Variants in ASXL3 observed in about 807,000 individuals in gnomAD.
ASXL3 encodes putative Polycomb group protein ASXL3.
In ASXL3, 34 loss-of-function variants were observed where a neutral mutation model predicts 170.6. The observed-to-expected ratio is 0.20, with a 90% CI of 0.15 to 0.27. ASXL3 has a LOEUF of 0.27. ASXL3 is among the 10% of genes least tolerant of loss of function. The pLI is 1.00. For synonymous variants in ASXL3, 1,002 were observed against 989.1 expected, an observed-to-expected ratio of 1.01 and a Z score of -0.24; for missense variants, 2,592 against 2,695.3, an observed-to-expected ratio of 0.96 and a Z score of 0.85.
intron 2 of ASXL3, among the ~76,000 whole-genome samples, chr18:33,630,709 T>C (rs2065664642): frequency 6.6e-6 from 1 of 151,966 alleles, no homozygotes; most frequent in African/African-American, 2.4e-5. Flanking sequence ...ATGAGTAGTA[T>C]CAGAATTTTC....
intron 1 of ASXL3, among the ~76,000 whole-genome samples, chr18:33,590,111 G>GTTTTTTTTTTTTTTTTTTTGT (rs2065065376): frequency 2.4e-5 from 2 of 83,184 alleles, no homozygotes; most frequent in Admixed American, 1.2e-4. Context: ...TGCTTTCTAT[G>GTTTTTTTTTTTTTTTTTTTGT]TTTTTTTTTT....
chr18:33,589,853 A>T (rs2065062762), intron 1 of ASXL3, among the ~76,000 whole-genome samples: 1 of 152,162 alleles, frequency 6.6e-6, no homozygotes, highest in Admixed American at 6.5e-5. Context: ...TGCTGAACTA[A>T]ACTTGTTATA....
intron 4 of ASXL3, among the ~76,000 whole-genome samples, chr18:33,654,657 T>G (rs1479617993): frequency 6.6e-6 from 1 of 151,002 alleles, no homozygotes; most frequent in African/African-American, 2.4e-5. Flanking sequence ...TTCAGGAACC[T>G]GATGCAGTGT....
chr18:33,740,536 C>T (rs1386968504), intron 11 of ASXL3, 93 bp downstream of exon 11: 2 of 1,265,276 alleles, frequency 1.6e-6, no homozygotes, highest in African/African-American at 3.0e-5. Flanking sequence ...TTTCTTCCTT[C>T]TAGGTTTTAT....
At chr18:33,667,986 C>T (rs2145247788) in intron 5 of ASXL3, among the ~76,000 whole-genome samples, 1 of 152,252 alleles carries the variant, frequency 6.6e-6, no homozygotes, top group East Asian at 1.9e-4. Context: ...ACTCTGCTAA[C>T]CACTGTTGTG....
chr18:33,592,534 C>G lies in ASXL3; in HGVS notation c.54+13849C>G, dbSNP rs533589195. 2.5e-4 allele frequency among the ~76,000 whole-genome samples: 38 copies of G among 152,192 alleles called. 1 individual carries two copies. In the South Asian group the frequency reaches 7.9e-3, roughly 32 times the overall value. ...ATTTCTTTTCTGGTTGTATTGATCGCAGAAGCCGGTGACAAGATGGAATTT... is the reference window on the plus strand; with the variant it reads ...ATTTCTTTTCTGGTTGTATTGATCGGAGAAGCCGGTGACAAGATGGAATTT... On this transcript the variant is annotated intron_variant, in intron 1 of 11. Transcript: ENST00000269197.
chr18:33,623,031 CAG>C (rs1183925658), intron 2 of ASXL3, among the ~76,000 whole-genome samples: 2 of 152,128 alleles, frequency 1.3e-5, no homozygotes, highest in African/African-American at 2.4e-5. Flanking sequence ...ATAGTTTACA[CAG>C]ACACTCCTTA....
chr18:33,644,873 T>A lies in ASXL3; in HGVS notation c.138-21T>A, dbSNP rs1024318981. 4 of 1,493,066 alleles carry A rather than the reference T, an allele frequency of 2.7e-6. No homozygotes were observed. In the African/African-American group the frequency reaches 5.6e-5, roughly 21 times the overall value. 92.5% of individuals were successfully genotyped at this position (1,493,066 alleles called of 1,614,324 possible). On this transcript the variant is annotated intron_variant, in intron 2 of 11. Coordinates refer to ENST00000269197, the MANE Select transcript of ASXL3 (RefSeq NM_030632.3). Reference sequence around the variant, plus strand: ...AGCTGTACCTCAGACTGCTTCATTTTTGCACACTTTTATTTTCTAGTGGAA... The same window carrying A: ...AGCTGTACCTCAGACTGCTTCATTTATGCACACTTTTATTTTCTAGTGGAA...
chr18:33,671,889 C>T (rs1359400771), intron 7 of ASXL3, 23 bp downstream of exon 7: 2 of 1,471,836 alleles, frequency 1.4e-6, no homozygotes. Context: ...TAGACTATGC[C>T]ATTTCACATT....
rs1321393034 is a variant in ASXL3, at chr18:33,578,695, GC to G, written c.54+16del. On this transcript the variant is annotated intron_variant, in intron 1 of 11. Coordinates refer to ENST00000269197, the MANE Select transcript of ASXL3 (RefSeq NM_030632.3). ...CGAGGCTGCCCGCCTGGTACGTACC[GC>G]CCCCCACACGCCGCCCGCGCCTCCC... 2.4e-6 allele frequency: 3 copies of G among 1,273,728 alleles called. No individual in the cohort carries two copies. The highest frequency in any genetic ancestry group is 3.0e-6 in the Non-Finnish European group (3 of 989,222). The allele number at this position is 1,273,728 out of a possible 1,614,324, so 78.9% of individuals were successfully genotyped here.
At chr18:33,664,805 G>A (rs2145240419) in intron 5 of ASXL3, among the ~76,000 whole-genome samples, 1 of 152,296 alleles carries the variant, frequency 6.6e-6, no homozygotes. Context: ...CAATCTGGAA[G>A]CTATAATGTC....
rs757176957 is a variant in ASXL3, at chr18:33,744,137, C to T, written c.4289C>T (p.Pro1430Leu). The T allele has an allele frequency of 6.2e-7, 1 of 1,613,988 alleles. No homozygotes were observed. The highest frequency in any genetic ancestry group is 1.1e-5 in the South Asian group (1 of 91,086). ...MLTINSYDSPPKLSAESLDKN... is the reference protein window; with the variant it reads ...MLTINSYDSPLKLSAESLDKN... The stretch of plus-strand genomic sequence containing the variant: ...ACAATAAACTCTTATGATAGTCCTC[C>T]CAAGTTAAGTGCTGAAAGCTTGGAC... The change falls in exon 12 of 12, where the codon CCC becomes CTC. Residue 1430 changes from proline to leucine, a missense_variant. By Grantham distance (98) the Pro-to-Leu change is moderately conservative. Transcript: ENST00000269197.
At chr18:33,716,969 G>A (rs980729632) in intron 8 of ASXL3, among the ~76,000 whole-genome samples, 1 of 151,122 alleles carries the variant, frequency 6.6e-6, no homozygotes, top group African/African-American at 2.4e-5. Context: ...CTGTTCTTTT[G>A]TTATATATTT....
intron 4 of ASXL3, among the ~76,000 whole-genome samples, chr18:33,659,422 A>G (rs2066136797): frequency 6.6e-6 from 1 of 152,080 alleles, no homozygotes; most frequent in Non-Finnish European, 1.5e-5. Context: ...TGTAAATGCC[A>G]TTGTAAGAAT....
At chr18:33,654,631 A>G (rs971715555) in intron 4 of ASXL3, among the ~76,000 whole-genome samples, 1 of 151,906 alleles carries the variant, frequency 6.6e-6, no homozygotes, top group Non-Finnish European at 1.5e-5. Context: ...TGATTGCTTT[A>G]TTTCTGTGCA....
At chr18:33,651,004 A>G (rs1378953731) in intron 4 of ASXL3, among the ~76,000 whole-genome samples, 2 of 152,090 alleles carry the variant, frequency 1.3e-5, no homozygotes, top group Non-Finnish European at 2.9e-5. Context: ...CTTAGCTTAA[A>G]TGTCCCATCC....
At chr18:33,697,591 C>T (rs573475121) in intron 8 of ASXL3, among the ~76,000 whole-genome samples, 1 of 152,074 alleles carries the variant, frequency 6.6e-6, no homozygotes, top group Non-Finnish European at 1.5e-5. Context: ...ATTTTCCAAT[C>T]TGACTAGTGA....
intron 8 of ASXL3, among the ~76,000 whole-genome samples, chr18:33,705,309 C>T (rs2066938375): frequency 1.3e-5 from 2 of 150,706 alleles, no homozygotes; most frequent in African/African-American, 2.4e-5. Context: ...GATACCATCC[C>T]ACCAACTTTA....
rs570455539 is a variant in ASXL3 at position 33,739,990 on chromosome 18, A to T, written c.2586A>T (p.Lys862Asn). The change falls in exon 11 of 12, where the codon AAA (lysine) becomes AAT (asparagine). Residue 862 changes from lysine (K) to asparagine (N), a missense_variant. Physicochemically the swap from Lys to Asn is moderately conservative, Grantham distance 94. Coordinates refer to ENST00000269197, the MANE Select transcript of ASXL3 (RefSeq NM_030632.3). ...AACTTGCTTCTACTGAAATGATAAA[A>T]GTTAAAAATCATAGCGTCCTGCAAA... is the stretch of plus-strand genomic sequence containing the variant. ...IPELASTEMIKVKNHSVLQRT... is the reference protein window; with the variant it reads ...IPELASTEMINVKNHSVLQRT... 6.2e-7 allele frequency: 1 copy of T among 1,613,954 alleles called. No homozygotes were observed. The highest frequency in any genetic ancestry group is 1.3e-5 in the African/African-American group (1 of 75,058).
Sources: allele counts gnomAD v4.1 joint callset (sites outside exome capture counted in the v4.1 genomes callset), GRCh38; gene constraint gnomAD v4.1.1; transcripts MANE v1.5; gene names NCBI Gene and HGNC (gene_info 2026-07-23, HGNC 2026-07-21).